Variants in LRRC49 observed in about 807,000 individuals in gnomAD.
LRRC49 encodes leucine-rich repeat-containing protein 49.
Under a neutral mutation model 83.3 loss-of-function variants are expected in LRRC49, and 50 were observed. The observed-to-expected ratio is 0.60, with a 90% CI of 0.48 to 0.76. The LOEUF is 0.76. LRRC49 is among the 30% of genes least tolerant of loss of function. The pLI, the probability that LRRC49 is intolerant of heterozygous loss-of-function variation, is 0.00. For synonymous variants in LRRC49, 286 were observed against 283.3 expected (o/e 1.01, Z -0.10); for missense variants, 704 against 809.1 (o/e 0.87, Z 1.58).
intron 2 of LRRC49, among the ~76,000 whole-genome samples, chr15:70,876,887 GT>G (rs1432319297): frequency 6.6e-6 from 1 of 152,178 alleles, no homozygotes; most frequent in Non-Finnish European, 1.5e-5. Context: ...AATCTGAAAA[GT>G]TCATTCAGTG....
intron 1 of LRRC49, among the ~76,000 whole-genome samples, chr15:70,861,829 G>A (rs2032797453): frequency 6.6e-6 from 1 of 152,178 alleles, no homozygotes; most frequent in African/African-American, 2.4e-5. Flanking sequence ...GGAGGCCGAG[G>A]CAGAAGAATT....
chr15:71,003,892 T>C (rs2038357678), intron 11 of LRRC49, among the ~76,000 whole-genome samples: 1 of 152,170 alleles, frequency 6.6e-6, no homozygotes, highest in Non-Finnish European at 1.5e-5. Context: ...ATGGTCTAGT[T>C]GACACTTTTG....
intron 1 of LRRC49, among the ~76,000 whole-genome samples, chr15:70,868,500 A>G (rs548289417): frequency 6.6e-6 from 1 of 152,256 alleles, no homozygotes; most frequent in South Asian, 2.1e-4. Flanking sequence ...GAACTCTTCA[A>G]TGCTTTCAAC....
intron 3 of LRRC49, among the ~76,000 whole-genome samples, chr15:70,899,972 C>A (rs1018734286): frequency 1.3e-5 from 2 of 152,160 alleles, no homozygotes; most frequent in African/African-American, 2.4e-5. Context: ...ATTCTTACCT[C>A]ATTTCTGGAA....
chr15:70,912,965 C>A (rs991681113), intron 6 of LRRC49, among the ~76,000 whole-genome samples: 2 of 152,220 alleles, frequency 1.3e-5, no homozygotes, highest in Non-Finnish European at 2.9e-5. Context: ...GCATGAGCCA[C>A]CGTGCCCAGC....
chr15:70,884,844 C>G (rs1004491130), intron 2 of LRRC49, among the ~76,000 whole-genome samples: 6 of 152,002 alleles, frequency 3.9e-5, no homozygotes, highest in Non-Finnish European at 5.9e-5. Flanking sequence ...TACAGAGAAG[C>G]AAAAAGAAGC....
chr15:71,016,205 G>T (rs1262301305), intron 14 of LRRC49, among the ~76,000 whole-genome samples: 1 of 151,668 alleles, frequency 6.6e-6, no homozygotes, highest in East Asian at 1.9e-4. Context: ...CTTGCTTTTT[G>T]TTCTATCTTG....
intron 1 of LRRC49, chr15:70,854,197 T>G: frequency 1.3e-6 from 1 of 751,630 alleles, no homozygotes; most frequent in Non-Finnish European, 1.7e-6. Context: ...CGCCTGCCGC[T>G]CGGCCCAGGG....
intron 14 of LRRC49, among the ~76,000 whole-genome samples, chr15:71,036,714 C>T (rs2039531046): frequency 6.6e-6 from 1 of 152,118 alleles, no homozygotes; most frequent in African/African-American, 2.4e-5. Context: ...TTGGTTTTGC[C>T]TAAACTTAAG....
intron 8 of LRRC49, 27 bp downstream of exon 8, chr15:70,936,849 T>G: frequency 6.9e-7 from 1 of 1,452,588 alleles, no homozygotes; most frequent in Non-Finnish European, 9.7e-7. Context: ...AAGTTGTCAT[T>G]CATTATAACT....
intron 1 of LRRC49, among the ~76,000 whole-genome samples, chr15:70,862,737 A>G (rs1470893527): frequency 6.6e-6 from 1 of 152,098 alleles, no homozygotes; most frequent in Non-Finnish European, 1.5e-5. Context: ...CGGTCTTTCA[A>G]GCCATATTTT....
rs1288331414 is a variant in LRRC49 at position 70,906,997 on chromosome 15, A to C, written c.500+2242A>C. On this transcript the variant is annotated intron_variant, in intron 5 of 15. Transcript: ENST00000260382. Reference sequence around the variant, plus strand: ...CCCTATTGCATGTTTTTCAAGTGTCAGTGAAATGCAAGTCTGAGCCCTAAA... The same window carrying C: ...CCCTATTGCATGTTTTTCAAGTGTCCGTGAAATGCAAGTCTGAGCCCTAAA... 2.0e-5 allele frequency among the ~76,000 whole-genome samples: 3 copies of C among 152,214 alleles called. No individual in the cohort carries two copies. The East Asian group carries it at 5.8e-4, about 29-fold the overall frequency.
chr15:70,989,471 C>T (rs1033700709), intron 11 of LRRC49, among the ~76,000 whole-genome samples: 8 of 152,154 alleles, frequency 5.3e-5, no homozygotes, highest in Non-Finnish European at 7.4e-5. Context: ...CGAGCCTTGG[C>T]TTTCAGCTCC....
At chr15:71,024,438 A>T (rs1328838444) in intron 14 of LRRC49, among the ~76,000 whole-genome samples, 3 of 152,102 alleles carry the variant, frequency 2.0e-5, no homozygotes, top group Non-Finnish European at 2.9e-5. Context: ...TGCAGCCTCC[A>T]CTGATGACAC....
At chr15:70,946,242 A>G (rs913352554) in intron 8 of LRRC49, among the ~76,000 whole-genome samples, 3 of 152,032 alleles carry the variant, frequency 2.0e-5, no homozygotes, top group Non-Finnish European at 4.4e-5. Context: ...CATCTCCCCA[A>G]TCACCCTACA....
intron 1 of LRRC49, among the ~76,000 whole-genome samples, chr15:70,861,335 T>C (rs1260334988): frequency 1.3e-5 from 2 of 148,474 alleles, no homozygotes; most frequent in East Asian, 3.9e-4. Flanking sequence ...GTGGTACAAA[T>C]GATGCAGGAG....
intron 11 of LRRC49, among the ~76,000 whole-genome samples, chr15:71,005,074 A>G (rs1397992218): frequency 6.6e-6 from 1 of 152,194 alleles, no homozygotes; most frequent in Non-Finnish European, 1.5e-5. Context: ...ACATAAATAT[A>G]TTATACATAA....
At chr15:70,892,804 T>C, upstream of LRRC49, 3 of 1,613,126 alleles carry the variant, frequency 1.9e-6, no homozygotes, top group Non-Finnish European at 2.5e-6. Context: ...GCAGGTTGCC[T>C]GGGAGATGAC....
At chr15:70,919,817 G>C (rs2034939745) in intron 7 of LRRC49, among the ~76,000 whole-genome samples, 1 of 152,134 alleles carries the variant, frequency 6.6e-6, no homozygotes, top group Non-Finnish European at 1.5e-5. Flanking sequence ...AAAAAGACAT[G>C]AAGATGGTAG....
Sources: allele counts gnomAD v4.1 joint callset (sites outside exome capture counted in the v4.1 genomes callset), GRCh38; gene constraint gnomAD v4.1.1; transcripts MANE v1.5; gene names NCBI Gene and HGNC (gene_info 2026-07-23, HGNC 2026-07-21).